Variants in SYCE1L observed in about 807,000 individuals in gnomAD.
SYCE1L encodes the protein synaptonemal complex central element protein 1-like.
Under a neutral mutation model 39.6 loss-of-function variants are expected in SYCE1L, and 51 were observed. The ratio of observed to expected loss-of-function variants is 1.29; its 90% CI spans 1.03 to 1.63. The LOEUF (loss-of-function observed/expected upper bound fraction) is 1.63. SYCE1L is among the 40% of genes most tolerant of loss of function. The probability of loss-of-function intolerance (pLI) is 0.00; values close to 1 mark genes in which losing one functional copy is unlikely to be tolerated. For missense variants in SYCE1L, 426 were observed against 304.9 expected, an observed-to-expected ratio of 1.40 and a Z score of -2.96; for synonymous variants, 147 against 122.4, an observed-to-expected ratio of 1.20 and a Z score of -1.33.
intron 9 of SYCE1L, 81 bp downstream of exon 9, chr16:77,212,450 C>G: frequency 1.3e-6 from 2 of 1,537,390 alleles, no homozygotes; most frequent in Non-Finnish European, 1.8e-6. Context: ...GCTCCGCCCC[C>G]GACTGCCGCT....
At chr16:77,200,272 GTGTATATATA>G (rs2054721762) in intron 1 of SYCE1L, 2 of 84,654 alleles carry the variant, frequency 2.4e-5, no homozygotes, top group African/African-American at 1.1e-4. Flanking sequence ...ATATATATAT[GTGTATATATA>G]TATATATATA....
intron 1 of SYCE1L, among the ~76,000 whole-genome samples, chr16:77,206,093 T>A (rs1450318356): frequency 2.0e-5 from 3 of 152,180 alleles, no homozygotes; most frequent in African/African-American, 7.2e-5. Flanking sequence ...ATATGAAATC[T>A]TCCTGCCCTA....
At chr16:77,201,014 G>T (rs953571844) in intron 1 of SYCE1L, 1 of 152,226 alleles carries the variant, frequency 6.6e-6, no homozygotes, top group South Asian at 2.1e-4. Flanking sequence ...CATCCTGCCA[G>T]ACCTACCCAT....
chr16:77,212,976 A>T lies in SYCE1L; in HGVS notation c.*45A>T, dbSNP rs1343258185. ...TCCCGACCTTCCCTCGAGACCCGCC[A>T]AGAAATAAAGGCGATGATTTCCGAC... On this transcript the variant is annotated 3_prime_UTR_variant, in exon 11 of 11. Coordinates refer to ENST00000378644, the MANE Select transcript of SYCE1L (RefSeq NM_001129979.3). 6 of 1,445,454 alleles carry T rather than the reference A, an allele frequency of 4.2e-6. No homozygotes were observed. In the East Asian group the frequency reaches 1.6e-4, roughly 38 times the overall value. The allele number at this position is 1,445,454 out of a possible 1,614,324, so 89.5% of individuals were successfully genotyped here.
At position 77,212,327 on chromosome 16, in the gene SYCE1L, A is replaced by G; in HGVS notation, c.539A>G (p.His180Arg). ...CTGCGGGAGGTGGAGCGGCGGCTGCACTCGCCGCCTGAGGTCGAGGGCGCC... is the reference window on the plus strand; with the variant it reads ...CTGCGGGAGGTGGAGCGGCGGCTGCGCTCGCCGCCTGAGGTCGAGGGCGCC... ...AKLREVERRL[H>R]SPPEVEGAMA... Residue 180 changes from histidine (H) to arginine (R), a missense_variant, in exon 9 of 11, where the codon CAC becomes CGC. Coordinates refer to ENST00000378644, the MANE Select transcript of SYCE1L (RefSeq NM_001129979.3). 2.0e-6 allele frequency: 3 copies of G among 1,522,322 alleles called. No individual in the cohort carries two copies. In the South Asian group the frequency reaches 3.7e-5, roughly 19 times the overall value. 94.3% of individuals were successfully genotyped at this position (1,522,322 alleles called of 1,614,324 possible).
intron 6 of SYCE1L, 21 bp from the exon 7 acceptor site, chr16:77,211,192 T>G (rs1236882373): frequency 6.4e-7 from 1 of 1,551,844 alleles, no homozygotes; most frequent in Admixed American, 2.0e-5. Context: ...TGTTCTCTTA[T>G]TCCTGGGTGT....
chr16:77,211,243 G>C lies in SYCE1L; in HGVS notation c.390G>C (p.Leu130=), dbSNP rs367605018. 21 of 1,551,840 alleles carry C rather than the reference G, an allele frequency of 1.4e-5. No individual in the cohort carries two copies. In the African/African-American group the frequency reaches 2.5e-4, roughly 18 times the overall value. ...RLDVRGQLED[L]MGQHKDLWEF... ...ATGTCAGAGGACAGCTGGAGGATCT[G>C]ATGGGCCAGCACAAGGACCTCTGGG... is the stretch of plus-strand genomic sequence containing the variant. Residue 130 remains leucine, a synonymous_variant, in exon 7 of 11, where the codon CTG becomes CTC. Transcript: ENST00000378644.
At chr16:77,202,883 C>T (rs942685691) in intron 1 of SYCE1L, among the ~76,000 whole-genome samples, 12 of 126,056 alleles carry the variant, frequency 9.5e-5, no homozygotes, top group African/African-American at 2.8e-4. Context: ...CCTCTCTACT[C>T]TCATGTGCAT....
At chr16:77,205,117 G>T (rs1183477486) in intron 1 of SYCE1L, among the ~76,000 whole-genome samples, 1 of 151,592 alleles carries the variant, frequency 6.6e-6, no homozygotes, top group African/African-American at 2.4e-5. Flanking sequence ...TTATCTCCAG[G>T]TACCTACACA....
Position 77,209,193 on chromosome 16 carries a change from A to G in SYCE1L, c.304+49A>G, listed in dbSNP as rs2054806446. 6.5e-6 allele frequency: 10 copies of G among 1,543,112 alleles called. No individual in the cohort carries two copies. In the East Asian group the frequency reaches 2.4e-4, roughly 38 times the overall value. On this transcript the variant is annotated intron_variant, in intron 5 of 10. Coordinates refer to ENST00000378644, the MANE Select transcript of SYCE1L (RefSeq NM_001129979.3). ...CCTTATTCTACTCTTCCACCCCACA[A>G]AAGTCTATGCTCCTCAGAGCAGCCA...
At chr16:77,208,404 C>G in intron 3 of SYCE1L, 61 bp from the exon 4 acceptor site, 1 of 1,546,202 alleles carries the variant, frequency 6.5e-7, no homozygotes, top group Non-Finnish European at 8.7e-7. Context: ...GTCATATTTG[C>G]GAGAGAACAG....
chr16:77,209,537 T>A, intron 6 of SYCE1L, 66 bp downstream of exon 6: 1 of 1,521,852 alleles, frequency 6.6e-7, no homozygotes, highest in Non-Finnish European at 8.9e-7. Flanking sequence ...GAGCAAGAGC[T>A]GTGGAAATGA....
intron 1 of SYCE1L, among the ~76,000 whole-genome samples, chr16:77,203,592 C>CTT (rs57339044): frequency 7.5e-5 from 9 of 120,596 alleles, no homozygotes; most frequent in African/African-American, 2.7e-4. Context: ...AAGTTACTTC[C>CTT]TTTTTTTTTT....
chr16:77,201,393 A>T (rs1210228380), intron 1 of SYCE1L: 5 of 152,224 alleles, frequency 3.3e-5, no homozygotes, highest in Non-Finnish European at 5.9e-5. Flanking sequence ...GCAAAGGAAA[A>T]ATTGAAGGAT....
At chr16:77,209,978 A>G (rs2054811262) in intron 6 of SYCE1L, among the ~76,000 whole-genome samples, 1 of 152,144 alleles carries the variant, frequency 6.6e-6, no homozygotes, top group Admixed American at 6.5e-5. Flanking sequence ...TCTTTCCATC[A>G]TATATTCACT....
At chr16:77,212,399 A>C (rs951058680) in intron 9 of SYCE1L, 30 bp downstream of exon 9, 163 of 1,524,064 alleles carry the variant, frequency 1.1e-4, no homozygotes, top group Non-Finnish European at 1.4e-4. Flanking sequence ...GTGGGCGAGG[A>C]GGGCAGGGGC....
intron 1 of SYCE1L, chr16:77,200,291 T>TATATATATATATATATATATAGATATAC: frequency 9.0e-6 from 1 of 111,430 alleles, no homozygotes; most frequent in South Asian, 2.7e-4. Flanking sequence ...TATATATATA[T>TATATATATATATATATATATAGATATAC]ACACACACTA....
chr16:77,208,184 C>T, intron 2 of SYCE1L, 26 bp from the exon 3 acceptor site: 7 of 1,549,080 alleles, frequency 4.5e-6, no homozygotes, highest in Non-Finnish European at 6.1e-6. Flanking sequence ...TTCTCTGGCT[C>T]ACTCTTTCTT....
intron 1 of SYCE1L, among the ~76,000 whole-genome samples, chr16:77,204,227 C>T (rs1314402544): frequency 6.6e-6 from 1 of 152,116 alleles, no homozygotes; most frequent in Non-Finnish European, 1.5e-5. Flanking sequence ...TCTATGTGTA[C>T]CCAGTAGATA....
Sources: gnomAD v4.1 joint callset for allele counts (sites outside exome capture counted in the v4.1 genomes callset) on GRCh38, gnomAD v4.1.1 for gene constraint, MANE v1.5 for transcripts, NCBI Gene and HGNC (gene_info 2026-07-23, HGNC 2026-07-21) for gene names.